The following PODXL variants were observed in gnomAD, a reference collection of about 807,000 sequenced individuals.
PODXL encodes the protein podocalyxin like.
A neutral mutation model predicts 48.9 loss-of-function variants in PODXL; 20 were observed. The ratio of observed to expected loss-of-function variants is 0.41; its 90% CI spans 0.29 to 0.59. The LOEUF is 0.59. PODXL is among the 20% of genes least tolerant of loss of function. The pLI, the probability that PODXL is intolerant of heterozygous loss-of-function variation, is 0.31. For synonymous variants in PODXL, 295 were observed against 287.4 expected, an observed-to-expected ratio of 1.03 and a Z score of -0.27; for missense variants, 606 against 675.1, an observed-to-expected ratio of 0.90 and a Z score of 1.13.
At chr7:131,537,160 T>C (rs1798388312) in intron 1 of PODXL, among the ~76,000 whole-genome samples, 1 of 151,724 alleles carries the variant, frequency 6.6e-6, no homozygotes, top group Non-Finnish European at 1.5e-5. Context: ...AACTAATTAA[T>C]TGATTGCCAG....
Position 131,509,381 on chromosome 7 carries a change from G to T in PODXL, c.1007C>A (p.Ala336Asp). Residue 336 changes from alanine to aspartate, a missense_variant, in exon 4 of 9, where the codon GCT becomes GAT. By Grantham distance (126) the Ala-to-Asp change is moderately radical. Transcript: ENST00000378555. ...RYPKTPSPTV[A>D]HESNWAKCED... ...TGGAGTTACCCAGTTACTCTCATGA[G>T]CCACAGTGGGAGAAGGTGTTTTGGG... The T allele has an allele frequency of 6.2e-7, 1 of 1,613,780 alleles. No homozygotes were observed.
Position 131,509,506 on chromosome 7 carries a change from C to T in PODXL, c.882G>A (p.Glu294=), listed in dbSNP as rs200255469. ...TTGCCGGGCTCGTGGGCTGCACTGT[C>T]TCCTGGGAGGAAGGGGCCGTAGAGC... ...PASSTAPSSQ[E]TVQPTSPATA... Residue 294 remains glutamate (E), a synonymous_variant, in exon 4 of 9, where the codon GAG becomes GAA. Coordinates refer to ENST00000378555, the MANE Select transcript of PODXL (RefSeq NM_001018111.3). 2.5e-6 allele frequency: 4 copies of T among 1,611,738 alleles called. No individual in the cohort carries two copies. The highest frequency in any genetic ancestry group is 3.4e-6 in the Non-Finnish European group (4 of 1,178,372).
Position 131,501,526 on chromosome 7 carries a change from C to CAAAG in PODXL, c.*2781_*2784dup, listed in dbSNP as rs1554380441. The CAAAG allele has an allele frequency of 6.6e-6, 1 of 152,358 alleles. No individual in the cohort carries two copies. The highest frequency in any genetic ancestry group is 1.5e-5 in the Non-Finnish European group (1 of 68,044). 9.4% of individuals were successfully genotyped at this position (152,358 alleles called of 1,614,324 possible). A position where few individuals can be genotyped will look rare whatever the true frequency, so the allele number is the denominator to read the frequency against. On this transcript the variant is annotated 3_prime_UTR_variant, in exon 9 of 9. Transcript: ENST00000378555. ...TAAACCCGTATTCTGTCTTACAACG[C>CAAAG]AAAGAATATTCTGTACCTCCTTCAT... is the stretch of plus-strand genomic sequence containing the variant.
intron 1 of PODXL, among the ~76,000 whole-genome samples, chr7:131,512,277 C>A (rs1797926537): frequency 6.6e-6 from 1 of 152,130 alleles, no homozygotes; most frequent in South Asian, 2.1e-4. Context: ...GTCGTACCCT[C>A]AAGAAGCTAA....
At chr7:131,528,402 G>T (rs1477108474) in intron 1 of PODXL, among the ~76,000 whole-genome samples, 1 of 152,164 alleles carries the variant, frequency 6.6e-6, no homozygotes, top group Non-Finnish European at 1.5e-5. Flanking sequence ...AAATAGGAAC[G>T]TGAACCTCTT....
chr7:131,504,152 A>G lies in PODXL; in HGVS notation c.*159T>C, dbSNP rs1292701199. Reference sequence around the variant, plus strand: ...AATCTGGACAGAATGTGATTTGTTCAGGTTGAAAAGGGAAAAATTAAGGCC... The same window carrying G: ...AATCTGGACAGAATGTGATTTGTTCGGGTTGAAAAGGGAAAAATTAAGGCC... On this transcript the variant is annotated 3_prime_UTR_variant, in exon 9 of 9. Coordinates refer to ENST00000378555, the MANE Select transcript of PODXL (RefSeq NM_001018111.3). 1.6e-6 allele frequency: 1 copy of G among 613,752 alleles called. No homozygotes were observed. The highest frequency in any genetic ancestry group is 2.9e-6 in the Non-Finnish European group (1 of 346,864). 38.0% of individuals were successfully genotyped at this position (613,752 alleles called of 1,614,324 possible). A position where few individuals can be genotyped will look rare whatever the true frequency, so the allele number is the denominator to read the frequency against.
chr7:131,516,562 T>A (rs977156918), intron 1 of PODXL, among the ~76,000 whole-genome samples: 1 of 152,080 alleles, frequency 6.6e-6, no homozygotes, highest in African/African-American at 2.4e-5. Flanking sequence ...TTATCATGTA[T>A]GTCCTGCTCA....
At chr7:131,516,281 C>T (rs933476508) in intron 1 of PODXL, among the ~76,000 whole-genome samples, 1 of 152,252 alleles carries the variant, frequency 6.6e-6, no homozygotes, top group East Asian at 1.9e-4. Context: ...TGGCTCACGC[C>T]TGTAATCCCA....
chr7:131,517,029 A>G (rs936216687), intron 1 of PODXL, among the ~76,000 whole-genome samples: 7 of 151,852 alleles, frequency 4.6e-5, no homozygotes, highest in Admixed American at 4.6e-4. Flanking sequence ...TTTTTTTCTT[A>G]GTGGTTCATA....
chr7:131,538,083 G>C (rs1361148532), intron 1 of PODXL, among the ~76,000 whole-genome samples: 2 of 152,156 alleles, frequency 1.3e-5, no homozygotes, highest in African/African-American at 4.8e-5. Flanking sequence ...CACATCTGTG[G>C]CAAGGCTGCA....
chr7:131,539,487 C>T (rs1453735656), intron 1 of PODXL, among the ~76,000 whole-genome samples: 3 of 152,138 alleles, frequency 2.0e-5, no homozygotes, highest in Non-Finnish European at 2.9e-5. Flanking sequence ...CGCACCACCA[C>T]GCTCAGCTCA....
chr7:131,506,294 T>G lies in PODXL; in HGVS notation c.1277A>C (p.Glu426Ala). 1 of 1,614,190 alleles carries G rather than the reference T, an allele frequency of 6.2e-7. No individual in the cohort carries two copies. Among genetic ancestry groups the G allele is most frequent in the East Asian group, 2.2e-5 (1 of 44,878 alleles). Residue 426 changes from glutamate (E) to alanine (A), a missense_variant, in exon 7 of 9, where the codon GAG (glutamate) becomes GCG (alanine). Glu to Ala is a moderately radical substitution (Grantham distance 107, BLOSUM62 -1). Transcript: ENST00000378555. ...TTCATCCCATTTGTCCTTCAGCCGCTCGTACACATCCTTGGCAGGGAGCTT... is the reference window on the plus strand; with the variant it reads ...TTCATCCCATTTGTCCTTCAGCCGCGCGTACACATCCTTGGCAGGGAGCTT... ...HTKLPAKDVY[E>A]RLKDKWDELK... is the part of the protein sequence containing the mutation.
chr7:131,510,870 G>A lies in PODXL; in HGVS notation c.664C>T (p.Pro222Ser). The change falls in exon 2 of 9, where the codon CCT (proline) becomes TCT (serine). Residue 222 changes from proline (P) to serine (S), a missense_variant. Coordinates refer to ENST00000378555, the MANE Select transcript of PODXL (RefSeq NM_001018111.3). The stretch of plus-strand genomic sequence containing the variant: ...CCCGGGCTTGTGAAGGTGTAGCCAG[G>A]GATAGCCACAGTGCTTGAACTGCTT... ...ISSSSSTVAI[P>S]GYTFTSPGMT... 6.2e-7 allele frequency: 1 copy of A among 1,614,112 alleles called. No homozygotes were observed. Among genetic ancestry groups the A allele is most frequent in the Non-Finnish European group, 8.5e-7 (1 of 1,180,004 alleles).
intron 1 of PODXL, among the ~76,000 whole-genome samples, chr7:131,527,900 C>CTTTTTT (rs759943507): frequency 5.1e-5 from 6 of 116,526 alleles, no homozygotes; most frequent in African/African-American, 1.1e-4. Context: ...TAGTCAGACA[C>CTTTTTT]TTTTTTTTTT....
intron 1 of PODXL, among the ~76,000 whole-genome samples, chr7:131,525,015 T>C (rs1355138261): frequency 6.6e-6 from 1 of 152,094 alleles, no homozygotes; most frequent in South Asian, 2.1e-4. Context: ...ATTTTGATGT[T>C]ATGGAAAGGG....
At chr7:131,505,830 G>A in intron 8 of PODXL, 38 bp downstream of exon 8, 2 of 1,527,676 alleles carry the variant, frequency 1.3e-6, no homozygotes, top group Non-Finnish European at 1.8e-6. Context: ...CTGGTGACCT[G>A]GGCTGCTTCC....
At chr7:131,526,390 A>G (rs1798186182) in intron 1 of PODXL, among the ~76,000 whole-genome samples, 1 of 152,162 alleles carries the variant, frequency 6.6e-6, no homozygotes, top group African/African-American at 2.4e-5. Context: ...TAAATAAATG[A>G]TTAAATAAAT....
intron 4 of PODXL, 137 bp from the exon 5 acceptor site, chr7:131,509,165 G>C: frequency 1.1e-6 from 1 of 881,296 alleles, no homozygotes; most frequent in East Asian, 2.5e-5. Flanking sequence ...TCCAGAGCCA[G>C]GTATGTCCTG....
At chr7:131,533,895 A>G (rs1798324587) in intron 1 of PODXL, among the ~76,000 whole-genome samples, 1 of 152,180 alleles carries the variant, frequency 6.6e-6, no homozygotes, top group Middle Eastern at 3.2e-3. Context: ...GCTGTTCCTC[A>G]GTTTCCCCAT....
Sources: allele counts gnomAD v4.1 joint callset (sites outside exome capture counted in the v4.1 genomes callset), GRCh38; gene constraint gnomAD v4.1.1; transcripts MANE v1.5; gene names NCBI Gene and HGNC (gene_info 2026-07-23, HGNC 2026-07-21).